PCDH19: variants seen among roughly 807,000 people sequenced by gnomAD.
PCDH19 encodes protocadherin 19.
A neutral mutation model predicts 46.2 loss-of-function variants in PCDH19; 6 were observed. The ratio of observed to expected loss-of-function variants is 0.13; its 90% CI spans 0.07 to 0.26. The LOEUF (loss-of-function observed/expected upper bound fraction) is 0.26. PCDH19 is among the 10% of genes least tolerant of loss of function. The pLI is 1.00. For missense variants in PCDH19, 740 were observed against 972.3 expected, an observed-to-expected ratio of 0.76 and a Z score of 3.18; for synonymous variants, 481 against 415.7, an observed-to-expected ratio of 1.16 and a Z score of -1.91.
At chrX:100,303,173 A>G (rs1003322353) in intron 5 of PCDH19, among the ~76,000 whole-genome samples, 1 of 110,956 alleles carries the variant, frequency 9.0e-6, no homozygotes, top group Admixed American at 9.6e-5. Flanking sequence ...CAAGTTTTCT[A>G]TACTAACAAT....
At position 100,400,211 on chromosome X, in the gene PCDH19, T is replaced by C. The variant is rs181667017; in HGVS notation, c.2616+2313A>G. On this transcript the variant is annotated intron_variant, in intron 3 of 5. Transcript: ENST00000373034. The stretch of plus-strand genomic sequence containing the variant: ...TGAGTAGTATGGCCATAATACTTTG[T>C]AGGATGTATCTATATAGAAGCAGCC... Among the ~76,000 whole-genome samples the C allele has an allele frequency of 6.2e-4, 69 of 112,156 alleles. 1 individual carries two copies. The highest frequency in any genetic ancestry group is 2.2e-3 in the African/African-American group (67 of 30,900).
intron 5 of PCDH19, among the ~76,000 whole-genome samples, chrX:100,327,858 T>C (rs763175022): frequency 1.8e-5 from 2 of 111,773 alleles, no homozygotes; most frequent in South Asian, 7.6e-4. Context: ...TGATATATTA[T>C]AACATGAGTT....
chrX:100,387,289 T>C (rs1230485392), intron 3 of PCDH19, among the ~76,000 whole-genome samples: 3 of 111,880 alleles, frequency 2.7e-5, no homozygotes, highest in Non-Finnish European at 5.6e-5. Context: ...CAGAAAAGGA[T>C]TGAACCCATT....
chrX:100,371,879 CACA>C (rs1569304839), intron 3 of PCDH19, among the ~76,000 whole-genome samples: 103 of 99,605 alleles, frequency 1.0e-3, no homozygotes, highest in South Asian at 4.0e-3. Flanking sequence ...CACACACACA[CACA>C]CCCACACAAA....
intron 5 of PCDH19, 21 bp from the exon 6 acceptor site, chrX:100,296,896 A>C: frequency 1.8e-6 from 2 of 1,135,395 alleles, no homozygotes; most frequent in Non-Finnish European, 2.4e-6. Flanking sequence ...AAAAGAAAAT[A>C]TCAATTTCAT....
chrX:100,402,710 G>A lies in PCDH19; in HGVS notation c.2430C>T (p.Ser810=), dbSNP rs751223449. ...NVVSCSSLTS[S]LNYFDYHQQT... Reference sequence around the variant, plus strand: ...GCTGGTGGTAGTCAAAATAGTTGAGGGAGGAGGTCAGGGAAGAGCAACTGA... The same window carrying A: ...GCTGGTGGTAGTCAAAATAGTTGAGAGAGGAGGTCAGGGAAGAGCAACTGA... Residue 810 remains serine, a synonymous_variant, in exon 3 of 6, where the codon TCC becomes TCT. Coordinates refer to ENST00000373034, the MANE Select transcript of PCDH19 (RefSeq NM_001184880.2). The A allele has an allele frequency of 1.1e-5, 13 of 1,210,060 alleles. No individual in the cohort carries two copies. In the African/African-American group the frequency reaches 2.1e-4, roughly 20 times the overall value.
chrX:100,385,258 TATA>T (rs1401192370), intron 3 of PCDH19, among the ~76,000 whole-genome samples: 2 of 110,994 alleles, frequency 1.8e-5, no homozygotes, highest in Non-Finnish European at 3.8e-5. Flanking sequence ...CGTTTAAAAC[TATA>T]ATAATGTTTT....
chrX:100,306,840 A>G (rs181538362), intron 5 of PCDH19, among the ~76,000 whole-genome samples: 2 of 111,292 alleles, frequency 1.8e-5, no homozygotes, highest in South Asian at 3.8e-4. Flanking sequence ...GAAATATACA[A>G]CTCCCCTAGA....
At chrX:100,395,341 T>C (rs774326978) in intron 3 of PCDH19, among the ~76,000 whole-genome samples, 1 of 112,564 alleles carries the variant, frequency 8.9e-6, no homozygotes, top group South Asian at 3.7e-4. Flanking sequence ...CTGCTGTGAT[T>C]AGCATGGGGT....
Position 100,293,215 on chromosome X carries a change from C to T in PCDH19, c.*3062G>A, listed in dbSNP as rs1924481242. 1 of 111,971 alleles carries T rather than the reference C, an allele frequency of 8.9e-6. No homozygotes were observed. The highest frequency in any genetic ancestry group is 2.8e-4 in the East Asian group (1 of 3,570). 9.2% of individuals were successfully genotyped at this position (111,971 alleles called of 1,213,427 possible). Reference sequence around the variant, plus strand: ...TATTTCTGATTAGAGATCAGTGGATCACTAAGCGAACAATTTTGTCTAAAT... The same window carrying T: ...TATTTCTGATTAGAGATCAGTGGATTACTAAGCGAACAATTTTGTCTAAAT... On this transcript the variant is annotated 3_prime_UTR_variant, in exon 6 of 6. Transcript: ENST00000373034.
chrX:100,319,206 G>A lies in PCDH19; in HGVS notation c.2849-22331C>T, dbSNP rs957483700. 3.6e-5 allele frequency among the ~76,000 whole-genome samples: 4 copies of A among 111,697 alleles called. No individual in the cohort carries two copies. In the South Asian group the frequency reaches 1.5e-3, roughly 42 times the overall value. Reference sequence around the variant, plus strand: ...GATTAACAGGGAGCATAATGTGAGAGGGGAATTGGAGTGGAGTGGAGAAGT... The same window carrying A: ...GATTAACAGGGAGCATAATGTGAGAAGGGAATTGGAGTGGAGTGGAGAAGT... On this transcript the variant is annotated intron_variant, in intron 5 of 5. Transcript: ENST00000373034.
At chrX:100,303,772 C>T (rs1924858773) in intron 5 of PCDH19, among the ~76,000 whole-genome samples, 1 of 111,402 alleles carries the variant, frequency 9.0e-6, no homozygotes, top group Admixed American at 9.5e-5. Context: ...TTTGGTTGCT[C>T]CCTAAAACTT....
At position 100,325,059 on chromosome X, in the gene PCDH19, A is replaced by C. The variant is rs772521299; in HGVS notation, c.2848+16844T>G. Among the ~76,000 whole-genome samples the C allele has an allele frequency of 2.7e-5, 3 of 110,592 alleles. No homozygotes were observed. The South Asian group carries it at 1.2e-3, about 43-fold the overall frequency. ...GAGAAGGGAACAAAAAAACAAAAAC[A>C]AAAACCAAAAACCGGCAAAACACCT... On this transcript the variant is annotated intron_variant, in intron 5 of 5. Transcript: ENST00000373034.
intron 5 of PCDH19, among the ~76,000 whole-genome samples, chrX:100,303,476 C>T (rs1602571125): frequency 9.0e-6 from 1 of 111,391 alleles, no homozygotes; most frequent in Non-Finnish European, 1.9e-5. Context: ...TCAATATGAG[C>T]GTAATGACAA....
intron 5 of PCDH19, among the ~76,000 whole-genome samples, chrX:100,308,889 G>A (rs1925037114): frequency 1.8e-5 from 2 of 111,830 alleles, no homozygotes; most frequent in African/African-American, 6.5e-5. Context: ...TGGCATGGAT[G>A]TGGTGAAAAG....
chrX:100,362,051 A>G (rs180892941), intron 3 of PCDH19, among the ~76,000 whole-genome samples: 1 of 111,884 alleles, frequency 8.9e-6, no homozygotes, highest in Non-Finnish European at 1.9e-5. Context: ...TTAACTTTCA[A>G]AAAACAAAAG....
chrX:100,341,972 A>G lies in PCDH19; in HGVS notation c.2779T>C (p.Cys927Arg). 1 of 1,209,305 alleles carries G rather than the reference A, an allele frequency of 8.3e-7. No homozygotes were observed. Among genetic ancestry groups the G allele is most frequent in the Non-Finnish European group, 1.1e-6 (1 of 893,219 alleles). ...SEHDVQRSLY[C>R]DTAVNDVLNT... ...AGCACATCGTTGACAGCAGTATCAC[A>G]ATACAGGCTCCGCTGGACATCATGC... The change falls in exon 5 of 6, where the codon TGT (cysteine) becomes CGT (arginine). Residue 927 changes from cysteine to arginine, a missense_variant. Coordinates refer to ENST00000373034, the MANE Select transcript of PCDH19 (RefSeq NM_001184880.2).
intron 3 of PCDH19, among the ~76,000 whole-genome samples, chrX:100,373,465 C>G (rs12115861): frequency 0.27 from 29,765 of 112,227 alleles, 3,135 homozygotes; most frequent in Middle Eastern, 0.54. Context: ...CCCTTTCTCT[C>G]TTCTTTGCAC....
chrX:100,321,629 C>G (rs1408290279), intron 5 of PCDH19, among the ~76,000 whole-genome samples: 1 of 109,044 alleles, frequency 9.2e-6, no homozygotes, highest in African/African-American at 3.3e-5. Flanking sequence ...TTGTTTGTTT[C>G]TCATTGATTT....
Sources: gnomAD v4.1 joint callset for allele counts (sites outside exome capture counted in the v4.1 genomes callset) on GRCh38, gnomAD v4.1.1 for gene constraint, MANE v1.5 for transcripts, NCBI Gene and HGNC (gene_info 2026-07-23, HGNC 2026-07-21) for gene names.